Variants in CELF4 observed in about 807,000 individuals in gnomAD.
The protein encoded by CELF4 is CUGBP Elav-like family member 4.
Under a neutral mutation model 59.9 loss-of-function variants are expected in CELF4, and 18 were observed. The ratio of observed to expected loss-of-function variants is 0.30; its 90% confidence interval spans 0.21 to 0.45. The LOEUF (loss-of-function observed/expected upper bound fraction) is 0.45. CELF4 is among the 20% of genes least tolerant of loss of function. The probability of loss-of-function intolerance (pLI) is 1.00; values close to 1 mark genes in which losing one functional copy is unlikely to be tolerated. For missense variants in CELF4, 456 were observed against 689.0 expected (o/e 0.66, Z 3.79); for synonymous variants, 261 against 267.1 (o/e 0.98, Z 0.22).
chr18:37,281,963 G>A (rs547859414), intron 3 of CELF4, among the ~76,000 whole-genome samples: 12 of 152,310 alleles, frequency 7.9e-5, no homozygotes, highest in Admixed American at 6.5e-4. Context: ...GACTCAACAG[G>A]AGGGCCAGGC....
At chr18:37,378,547 G>C (rs4799921) in intron 2 of CELF4, among the ~76,000 whole-genome samples, 52,753 of 152,158 alleles carry the variant, frequency 0.35, 9,745 homozygotes, top group Non-Finnish European at 0.41. Context: ...TTAGAGCGTC[G>C]AGAGGAAATA....
chr18:37,548,009 A>G (rs1377968777), intron 1 of CELF4, among the ~76,000 whole-genome samples: 1 of 151,830 alleles, frequency 6.6e-6, no homozygotes, highest in African/African-American at 2.4e-5. Flanking sequence ...ATCTATATGA[A>G]TGCCTATTTC....
chr18:37,501,948 A>G (rs1462113071), intron 1 of CELF4, among the ~76,000 whole-genome samples: 1 of 152,096 alleles, frequency 6.6e-6, no homozygotes, highest in African/African-American at 2.4e-5. Flanking sequence ...AAGCTGGGGC[A>G]TGAAGAGGGA....
intron 2 of CELF4, among the ~76,000 whole-genome samples, chr18:37,359,985 G>C (rs578068464): frequency 4.6e-5 from 7 of 152,004 alleles, no homozygotes; most frequent in Non-Finnish European, 1.0e-4. Context: ...AAGTAGCTGG[G>C]ATTACAGGCA....
intron 3 of CELF4, among the ~76,000 whole-genome samples, chr18:37,284,629 T>C (rs2094551892): frequency 6.6e-6 from 1 of 152,160 alleles, no homozygotes; most frequent in South Asian, 2.1e-4. Flanking sequence ...CTCAGCCCAG[T>C]CAACGCCACC....
At chr18:37,539,474 C>A (rs5824072) in intron 1 of CELF4, among the ~76,000 whole-genome samples, 3,501 of 36,306 alleles carry the variant, frequency 0.096, 61 homozygotes, top group South Asian at 0.14. Context: ...CACACACAAA[C>A]ACACACACAC....
chr18:37,553,667 G>C (rs1320495603), intron 1 of CELF4, among the ~76,000 whole-genome samples: 1 of 152,198 alleles, frequency 6.6e-6, no homozygotes, highest in African/African-American at 2.4e-5. Context: ...TGCGGTCCCT[G>C]TTTTGCTGGT....
intron 1 of CELF4, among the ~76,000 whole-genome samples, chr18:37,523,731 C>A (rs1158002671): frequency 6.6e-6 from 1 of 152,214 alleles, no homozygotes; most frequent in Non-Finnish European, 1.5e-5. Flanking sequence ...CCCTTTATCT[C>A]ACAAATTCTC....
intron 2 of CELF4, among the ~76,000 whole-genome samples, chr18:37,345,129 C>T (rs1172725195): frequency 1.3e-5 from 2 of 152,082 alleles, no homozygotes; most frequent in African/African-American, 2.4e-5. Flanking sequence ...GGGCTGGAGT[C>T]CCCAGGACTG....
chr18:37,498,631 C>T (rs2099927924), intron 1 of CELF4, among the ~76,000 whole-genome samples: 1 of 151,980 alleles, frequency 6.6e-6, no homozygotes, highest in African/African-American at 2.4e-5. Flanking sequence ...CAGGCTGCAG[C>T]ATTTTTCCCA....
chr18:37,516,175 T>C (rs2099950442), intron 1 of CELF4, among the ~76,000 whole-genome samples: 1 of 152,178 alleles, frequency 6.6e-6, no homozygotes, highest in Non-Finnish European at 1.5e-5. Flanking sequence ...ATCCTAATCA[T>C]AGAGCCCAAC....
At chr18:37,376,222 C>T (rs1412477641) in intron 2 of CELF4, among the ~76,000 whole-genome samples, 3 of 152,148 alleles carry the variant, frequency 2.0e-5, no homozygotes, top group Admixed American at 6.5e-5. Flanking sequence ...CAGCCTCCCA[C>T]CTCTTCAGGC....
intron 3 of CELF4, among the ~76,000 whole-genome samples, chr18:37,300,927 G>A (rs898237154): frequency 2.6e-5 from 4 of 152,192 alleles, no homozygotes; most frequent in African/African-American, 4.8e-5. Flanking sequence ...GAGGCCAGGC[G>A]CCTGGAGCAA....
chr18:37,529,579 G>C (rs1331063870), intron 1 of CELF4, among the ~76,000 whole-genome samples: 2 of 152,340 alleles, frequency 1.3e-5, no homozygotes, highest in Admixed American at 1.3e-4. Flanking sequence ...GCTCCAATAG[G>C]GGAGAGAGTC....
chr18:37,264,831 C>A, intron 9 of CELF4, 74 bp from the exon 10 acceptor site: 1 of 1,264,294 alleles, frequency 7.9e-7, no homozygotes, highest in South Asian at 1.3e-5. Context: ...AGAGAGATTT[C>A]AGTGCAGGCA....
intron 2 of CELF4, among the ~76,000 whole-genome samples, chr18:37,343,384 G>C (rs549584538): frequency 6.8e-6 from 1 of 148,060 alleles, no homozygotes; most frequent in African/African-American, 2.5e-5. Context: ...TGTAGACACG[G>C]GGTGGGGAGG....
intron 2 of CELF4, among the ~76,000 whole-genome samples, chr18:37,475,359 G>A (rs999344525): frequency 6.6e-6 from 1 of 152,198 alleles, no homozygotes; most frequent in African/African-American, 2.4e-5. Context: ...TGAGTGACAT[G>A]GCTCAGATGA....
chr18:37,395,993 C>A (rs2099240466), intron 2 of CELF4, among the ~76,000 whole-genome samples: 1 of 152,226 alleles, frequency 6.6e-6, no homozygotes, highest in Non-Finnish European at 1.5e-5. Context: ...GTCTCACTCA[C>A]TCCTCCTTGG....
In CELF4 at chr18:37,565,339, G is replaced by A; in HGVS notation, c.286+17C>T. The A allele has an allele frequency of 1.4e-6, 2 of 1,457,566 alleles. No individual in the cohort carries two copies. Among genetic ancestry groups the A allele is most frequent in the Non-Finnish European group, 9.1e-7 (1 of 1,097,934 alleles). The allele number at this position is 1,457,566 out of a possible 1,614,324, so 90.3% of individuals were successfully genotyped here. A position where few individuals can be genotyped will look rare whatever the true frequency, so the allele number is the denominator to read the frequency against. ...CTCCTGCTCCCCGGCAAAGTTGGGAGGGAAAGGTGTACTCACCTTTGTGCA... is the reference window on the plus strand; with the variant it reads ...CTCCTGCTCCCCGGCAAAGTTGGGAAGGAAAGGTGTACTCACCTTTGTGCA... On this transcript the variant is annotated intron_variant, in intron 1 of 12. Coordinates refer to ENST00000420428, the MANE Select transcript of CELF4 (RefSeq NM_020180.4).
Sources: allele counts gnomAD v4.1 joint callset (sites outside exome capture counted in the v4.1 genomes callset), GRCh38; gene constraint gnomAD v4.1.1; transcripts MANE v1.5; gene names NCBI Gene and HGNC (gene_info 2026-07-23, HGNC 2026-07-21).